Variants in GSE1 observed in about 807,000 individuals in gnomAD.
GSE1 encodes genetic suppressor element 1.
GSE1 carries 32 observed loss-of-function variants against 112.6 expected under a neutral mutation model. That is an observed-to-expected ratio of 0.28 (90% confidence interval 0.21 to 0.38). The LOEUF is 0.38. Ranked by LOEUF, GSE1 falls within the 10% of genes least tolerant of loss-of-function variation. The pLI, the probability that GSE1 is intolerant of heterozygous loss-of-function variation, is 1.00. For missense variants in GSE1, 2,348 were observed against 1,699.2 expected, an observed-to-expected ratio of 1.38 and a Z score of -6.71; for synonymous variants, 1,115 against 735.6, an observed-to-expected ratio of 1.52 and a Z score of -8.35.
At chr16:85,195,395 C>T (rs1436781622) in intron 1 of GSE1, among the ~76,000 whole-genome samples, 1 of 152,142 alleles carries the variant, frequency 6.6e-6, no homozygotes, top group East Asian at 1.9e-4. Flanking sequence ...CTGGCTGGGA[C>T]AGGGGTGGCA....
At chr16:85,268,352 G>A (rs917497947) in intron 1 of GSE1, among the ~76,000 whole-genome samples, 8 of 152,220 alleles carry the variant, frequency 5.3e-5, no homozygotes, top group Non-Finnish European at 5.9e-5. Flanking sequence ...TACAAACACT[G>A]CCAGGTCCCC....
At chr16:85,318,594 G>T (rs1042776708) in intron 1 of GSE1, among the ~76,000 whole-genome samples, 1 of 152,338 alleles carries the variant, frequency 6.6e-6, no homozygotes, top group South Asian at 2.1e-4. Flanking sequence ...GCTGACGATA[G>T]TGGGAACTAA....
intron 1 of GSE1, among the ~76,000 whole-genome samples, chr16:85,238,018 G>T (rs1016581466): frequency 3.8e-4 from 58 of 152,318 alleles, no homozygotes; most frequent in African/African-American, 1.3e-3. Flanking sequence ...TCTGAGGGAA[G>T]AATGCAGAGG....
intron 14 of GSE1, among the ~76,000 whole-genome samples, chr16:85,670,226 A>C (rs1188045303): frequency 6.6e-6 from 1 of 152,228 alleles, no homozygotes; most frequent in Non-Finnish European, 1.5e-5. Flanking sequence ...AAACCTGCAA[A>C]TACAAGGTTT....
At chr16:85,540,985 A>G (rs572020930) in intron 2 of GSE1, among the ~76,000 whole-genome samples, 72 of 152,238 alleles carry the variant, frequency 4.7e-4, no homozygotes, top group African/African-American at 1.6e-3. Flanking sequence ...CATTCAGGCC[A>G]CTTCGCCAAG....
intron 1 of GSE1, among the ~76,000 whole-genome samples, chr16:85,208,363 G>C (rs1003483813): frequency 1.3e-5 from 2 of 152,292 alleles, no homozygotes; most frequent in East Asian, 3.9e-4. Context: ...TGGCATCTCG[G>C]CTGGTGCTCC....
intron 1 of GSE1, among the ~76,000 whole-genome samples, chr16:85,281,160 C>G (rs1038099428): frequency 1.3e-5 from 2 of 152,184 alleles, no homozygotes; most frequent in Non-Finnish European, 2.9e-5. Context: ...AGCCTTAGAG[C>G]TGGACATGAT....
chr16:85,277,283 C>T (rs1489665737), intron 1 of GSE1, among the ~76,000 whole-genome samples: 1 of 152,038 alleles, frequency 6.6e-6, no homozygotes, highest in Non-Finnish European at 1.5e-5. Flanking sequence ...CCAGACGGGC[C>T]CAGGCTGGGT....
intron 1 of GSE1, among the ~76,000 whole-genome samples, chr16:85,235,428 C>CTGTGTGTGTGTG (rs60860144): frequency 5.4e-4 from 68 of 126,392 alleles, no homozygotes; most frequent in African/African-American, 1.0e-3. Context: ...TGGAAGGGTA[C>CTGTGTGTGTGTG]TGTGTGTGTG....
At chr16:85,476,093 G>A (rs2050446009) in intron 2 of GSE1, among the ~76,000 whole-genome samples, 1 of 152,012 alleles carries the variant, frequency 6.6e-6, no homozygotes, top group Non-Finnish European at 1.5e-5. Context: ...ACCACGCCCA[G>A]CTAATTTTTA....
chr16:85,194,709 G>C (rs1016757576), intron 1 of GSE1, among the ~76,000 whole-genome samples: 5 of 152,146 alleles, frequency 3.3e-5, no homozygotes, highest in African/African-American at 1.2e-4. Flanking sequence ...TGCCTTTAAT[G>C]CACGGATGTC....
intron 1 of GSE1, among the ~76,000 whole-genome samples, chr16:85,617,037 GA>G (rs2048414390): frequency 6.6e-6 from 1 of 152,124 alleles, no homozygotes; most frequent in Non-Finnish European, 1.5e-5. Flanking sequence ...CCAGCCAGAC[GA>G]AACCACACGC....
In GSE1 at chr16:85,661,720, A is replaced by C. The variant is rs1173858325; in HGVS notation, c.2215A>C (p.Lys739Gln). 6.3e-7 allele frequency: 1 copy of C among 1,588,676 alleles called. No homozygotes were observed. The highest frequency in any genetic ancestry group is 8.6e-7 in the Non-Finnish European group (1 of 1,167,156). ...GCAGCAGCGCCGGAGGCTGGTCAGC[A>C]AGCTGGACCTGGAGGAGCGCAGGCG... The part of the protein sequence containing the change: ...FLQQRRRLVS[K>Q]LDLEERRRRE... Residue 739 changes from lysine to glutamine, a missense_variant, in exon 9 of 16, where the codon AAG becomes CAG. Lys to Gln is a moderately conservative substitution (Grantham distance 53). Coordinates refer to ENST00000253458, the MANE Select transcript of GSE1 (RefSeq NM_014615.5).
upstream of GSE1, among the ~76,000 whole-genome samples, chr16:85,607,066 G>T (rs1037464883): frequency 6.9e-5 from 10 of 144,492 alleles, no homozygotes; most frequent in South Asian, 9.4e-4. Context: ...AGCCTGGGGT[G>T]GGGGGGGCGG....
intron 2 of GSE1, among the ~76,000 whole-genome samples, chr16:85,647,810 C>G (rs941937695): frequency 1.3e-5 from 2 of 152,198 alleles, no homozygotes; most frequent in Non-Finnish European, 2.9e-5. Context: ...TGGTCTCGAA[C>G]TCCTGACCTC....
chr16:85,656,387 G>A lies in GSE1; in HGVS notation c.1034G>A (p.Arg345His), dbSNP rs889603665. Residue 345 changes from arginine (R) to histidine (H), a missense_variant, in exon 7 of 16, where the codon CGC becomes CAC. Physicochemically the swap from Arg to His is conservative, Grantham distance 29. Transcript: ENST00000253458. ...EELRRERERE[R>H]EREREREADR... ...CTAAGGCGGGAGAGGGAGCGCGAGC[G>A]CGAGCGCGAGCGTGAGCGTGAGGCT... The A allele has an allele frequency of 1.2e-5, 18 of 1,563,698 alleles. No homozygotes were observed. Among genetic ancestry groups the A allele is most frequent in the African/African-American group, 4.3e-5 (3 of 69,736 alleles).
intron 2 of GSE1, among the ~76,000 whole-genome samples, chr16:85,508,484 C>T (rs576119704): frequency 5.9e-5 from 9 of 152,272 alleles, no homozygotes; most frequent in East Asian, 3.9e-4. Flanking sequence ...GAGGAGCACA[C>T]GCCATGGAGG....
chr16:85,608,313 C>G (rs888908713), upstream of GSE1, among the ~76,000 whole-genome samples: 1 of 152,268 alleles, frequency 6.6e-6, no homozygotes, highest in Admixed American at 6.5e-5. Context: ...ATTCAGTGCA[C>G]TCTGTGGACT....
At chr16:85,225,756 G>A (rs1229813002) in intron 1 of GSE1, among the ~76,000 whole-genome samples, 3 of 152,212 alleles carry the variant, frequency 2.0e-5, no homozygotes, top group Non-Finnish European at 4.4e-5. Context: ...TATTCGTAAT[G>A]TATTGCTGTG....
Sources: gnomAD v4.1 joint callset for allele counts (sites outside exome capture counted in the v4.1 genomes callset) on GRCh38, gnomAD v4.1.1 for gene constraint, MANE v1.5 for transcripts, NCBI Gene and HGNC (gene_info 2026-07-23, HGNC 2026-07-21) for gene names.